DENND2A: variants seen among roughly 807,000 people sequenced by gnomAD.
DENND2A encodes DENN domain containing 2A.
In DENND2A, 53 loss-of-function variants were observed where a neutral mutation model predicts 105.3. That is an observed-to-expected ratio of 0.50 (90% CI 0.40 to 0.63). The LOEUF (loss-of-function observed/expected upper bound fraction) is 0.63. DENND2A is among the 30% of genes least tolerant of loss of function. The pLI, the probability that DENND2A is intolerant of heterozygous loss-of-function variation, is 0.00. For missense variants in DENND2A, 1,138 were observed against 1,279.6 expected (o/e 0.89, Z 1.69); for synonymous variants, 522 against 508.4 (o/e 1.03, Z -0.36).
chr7:140,580,066 C>A (rs569184590), intron 5 of DENND2A, among the ~76,000 whole-genome samples: 1 of 152,056 alleles, frequency 6.6e-6, no homozygotes, highest in Non-Finnish European at 1.5e-5. Flanking sequence ...TGAGATCATG[C>A]CACTGCACTC....
intron 1 of DENND2A, among the ~76,000 whole-genome samples, chr7:140,614,435 C>G (rs1800012205): frequency 6.6e-6 from 1 of 152,182 alleles, no homozygotes; most frequent in Admixed American, 6.5e-5. Context: ...ACTTGTGTTT[C>G]TTTTTCCCAG....
chr7:140,635,454 G>A (rs1422603675), intron 1 of DENND2A, among the ~76,000 whole-genome samples: 2 of 152,122 alleles, frequency 1.3e-5, no homozygotes, highest in African/African-American at 2.4e-5. Flanking sequence ...GATAAGATCC[G>A]CAGTGTACGG....
chr7:140,537,790 CACCATGCCCG>C (rs1230050419), intron 14 of DENND2A, among the ~76,000 whole-genome samples: 1 of 152,196 alleles, frequency 6.6e-6, no homozygotes, highest in African/African-American at 2.4e-5. Context: ...GGGCGTGAGC[CACCATGCCCG>C]ACCTCCCTCT....
chr7:140,608,899 A>G (rs182762563), intron 1 of DENND2A, among the ~76,000 whole-genome samples: 1 of 152,218 alleles, frequency 6.6e-6, no homozygotes, highest in Non-Finnish European at 1.5e-5. Context: ...TCGATGTACC[A>G]AGACGTACCA....
intron 12 of DENND2A, among the ~76,000 whole-genome samples, chr7:140,553,167 C>T (rs996625250): frequency 1.4e-4 from 21 of 152,100 alleles, no homozygotes; most frequent in South Asian, 2.1e-4. Flanking sequence ...ATTGATCATT[C>T]GTGGGCGTTT....
At chr7:140,548,438 C>A (rs935735127) in intron 12 of DENND2A, among the ~76,000 whole-genome samples, 1 of 151,000 alleles carries the variant, frequency 6.6e-6, no homozygotes, top group African/African-American at 2.4e-5. Flanking sequence ...AGGAGAATTG[C>A]TTGAGCCCAG....
In DENND2A at chr7:140,532,379, C is replaced by T. The variant is rs540840917; in HGVS notation, c.2328-4884G>A. On this transcript the variant is annotated intron_variant, in intron 14 of 19. Transcript: ENST00000496613. Reference sequence around the variant, plus strand: ...AAAGTGCCTAAATGTGACTTGGAAACGAAGTGGTTCATGAGAAGATCCATG... The same window carrying T: ...AAAGTGCCTAAATGTGACTTGGAAATGAAGTGGTTCATGAGAAGATCCATG... Among the ~76,000 whole-genome samples the T allele has an allele frequency of 2.6e-5, 4 of 152,260 alleles. No individual in the cohort carries two copies. In the East Asian group the frequency reaches 7.7e-4, roughly 29 times the overall value.
At chr7:140,598,714 A>G (rs1799373143) in intron 3 of DENND2A, among the ~76,000 whole-genome samples, 2 of 152,190 alleles carry the variant, frequency 1.3e-5, no homozygotes, top group South Asian at 4.1e-4. Flanking sequence ...AAGAGAAAAG[A>G]CTTAGAAATA....
chr7:140,601,808 G>C lies in DENND2A; in HGVS notation c.590C>G (p.Ala197Gly). ...SPHCPPDKAE[A>G]GSTLPENLGG... ...CAGGTTCTCAGGAAGGGTGGACCCTGCCTCTGCCTTGTCAGGAGGGCAGTG... is the reference window on the plus strand; with the variant it reads ...CAGGTTCTCAGGAAGGGTGGACCCTCCCTCTGCCTTGTCAGGAGGGCAGTG... The change falls in exon 3 of 20, where the codon GCA becomes GGA. Residue 197 changes from alanine (A) to glycine (G), a missense_variant. By Grantham distance (60) the Ala-to-Gly change is moderately conservative (BLOSUM62 0). This residue lies in a region of DENND2A where 511 missense variants were observed against 499.9 expected (regional missense o/e 1.02). Coordinates refer to ENST00000496613, the MANE Select transcript of DENND2A (RefSeq NM_015689.5). 6.2e-7 allele frequency: 1 copy of C among 1,614,120 alleles called. No homozygotes were observed. Among genetic ancestry groups the C allele is most frequent in the Non-Finnish European group, 8.5e-7 (1 of 1,180,014 alleles).
intron 9 of DENND2A, among the ~76,000 whole-genome samples, chr7:140,561,884 C>CTTTA (rs972138389): frequency 9.9e-5 from 15 of 151,616 alleles, no homozygotes; most frequent in Admixed American, 9.2e-4. Flanking sequence ...GTGAGATCCA[C>CTTTA]TTTATTTATT....
chr7:140,549,751 C>T (rs1334565377), intron 12 of DENND2A, among the ~76,000 whole-genome samples: 1 of 151,974 alleles, frequency 6.6e-6, no homozygotes, highest in East Asian at 1.9e-4. Context: ...GGTGTATACC[C>T]AAAAGAATTG....
At chr7:140,622,705 G>A (rs1438738362) in intron 1 of DENND2A, among the ~76,000 whole-genome samples, 1 of 151,904 alleles carries the variant, frequency 6.6e-6, no homozygotes, top group Non-Finnish European at 1.5e-5. Context: ...CCCTCTAGGG[G>A]GACACTGAAT....
intron 3 of DENND2A, among the ~76,000 whole-genome samples, chr7:140,588,223 T>C (rs1267810780): frequency 6.6e-6 from 1 of 152,132 alleles, no homozygotes; most frequent in Non-Finnish European, 1.5e-5. Context: ...TCTGTTATTG[T>C]AAAAGGTGTG....
At chr7:140,606,309 G>A (rs1325572588) in intron 1 of DENND2A, among the ~76,000 whole-genome samples, 1 of 152,128 alleles carries the variant, frequency 6.6e-6, no homozygotes, top group Non-Finnish European at 1.5e-5. Flanking sequence ...CTAAGTGCTG[G>A]GATTACCGGA....
At chr7:140,540,062 G>T (rs1796604961) in intron 14 of DENND2A, among the ~76,000 whole-genome samples, 1 of 152,338 alleles carries the variant, frequency 6.6e-6, no homozygotes, top group Admixed American at 6.5e-5. Context: ...CCCTACTCTG[G>T]GAAACCTCCC....
At position 140,572,751 on chromosome 7, in the gene DENND2A, CAAAAAAA is replaced by C. The variant is rs59174097; in HGVS notation, c.1446+1050_1446+1056del. Reference sequence around the variant, plus strand: ...CTTGGGCAACAGAGTGAAACTCTGTCAAAAAAAAAAAAAAAAAAAAAAGAAGTTGATC... The same window carrying C: ...CTTGGGCAACAGAGTGAAACTCTGTCAAAAAAAAAAAAAAAGAAGTTGATC... On this transcript the variant is annotated intron_variant, in intron 6 of 19. Coordinates refer to ENST00000496613, the MANE Select transcript of DENND2A (RefSeq NM_015689.5). Among the ~76,000 whole-genome samples, 11 of 58,888 alleles carry C rather than the reference CAAAAAAA, an allele frequency of 1.9e-4. No individual in the cohort carries two copies. The East Asian group carries it at 4.2e-3, about 22-fold the overall frequency. The allele number at this position is 58,888 out of a possible 152,430, so 38.6% of individuals were successfully genotyped here.
At chr7:140,525,821 CT>C (rs1477542451) in intron 15 of DENND2A, 29 bp from the exon 16 acceptor site, 1 of 1,583,150 alleles carries the variant, frequency 6.3e-7, no homozygotes, top group East Asian at 2.3e-5. Context: ...GGGACTGTTA[CT>C]GTCACCAGGG....
chr7:140,598,977 T>C (rs1799384436), intron 3 of DENND2A, among the ~76,000 whole-genome samples: 1 of 152,008 alleles, frequency 6.6e-6, no homozygotes, highest in Non-Finnish European at 1.5e-5. Flanking sequence ...ATATAGGAAG[T>C]CCAAGAGGAT....
At chr7:140,597,207 T>C (rs965224170) in intron 3 of DENND2A, among the ~76,000 whole-genome samples, 3 of 152,200 alleles carry the variant, frequency 2.0e-5, no homozygotes, top group Non-Finnish European at 4.4e-5. Context: ...GGTTTTGCTC[T>C]TAAGGAGGTG....
Sources: allele counts gnomAD v4.1 joint callset (sites outside exome capture counted in the v4.1 genomes callset), GRCh38; gene constraint gnomAD v4.1.1; regional missense constraint gnomAD v4.1.1; transcripts MANE v1.5; gene names NCBI Gene and HGNC (gene_info 2026-07-23, HGNC 2026-07-21).